Variants in GRB10 observed in about 807,000 individuals in gnomAD.
GRB10 encodes the protein growth factor receptor bound protein 10.
A neutral mutation model predicts 80.9 loss-of-function variants in GRB10; 20 were observed. That is an observed-to-expected ratio of 0.25 (90% CI 0.17 to 0.36). The LOEUF (loss-of-function observed/expected upper bound fraction) is 0.36, where lower values mean the gene tolerates loss of function less well. GRB10 is among the 10% of genes least tolerant of loss of function. GRB10 has a pLI of 1.00. For missense variants in GRB10, 548 were observed against 747.7 expected, an observed-to-expected ratio of 0.73 and a Z score of 3.12; for synonymous variants, 291 against 291.5, an observed-to-expected ratio of 1.00 and a Z score of 0.02.
At chr7:50,734,367 A>G (rs964010908) in intron 3 of GRB10, among the ~76,000 whole-genome samples, 2 of 152,154 alleles carry the variant, frequency 1.3e-5, no homozygotes, top group Middle Eastern at 6.8e-3. Flanking sequence ...CCCTTCGCCC[A>G]CATCTCTGAG....
chr7:50,750,134 G>A (rs775469921), intron 3 of GRB10, among the ~76,000 whole-genome samples: 34 of 152,194 alleles, frequency 2.2e-4, no homozygotes, highest in Non-Finnish European at 4.3e-4. Flanking sequence ...GTCTACAGAA[G>A]CACAGAGGAG....
chr7:50,608,594 A>C (rs1442384794), intron 13 of GRB10, among the ~76,000 whole-genome samples: 1 of 152,216 alleles, frequency 6.6e-6, no homozygotes, highest in Non-Finnish European at 1.5e-5. Context: ...AATGGAGCAA[A>C]TGGAGTGAAA....
intron 7 of GRB10, among the ~76,000 whole-genome samples, chr7:50,644,829 T>C (rs1303210667): frequency 6.6e-6 from 1 of 152,108 alleles, no homozygotes; most frequent in African/African-American, 2.4e-5. Context: ...GGGCAGATGC[T>C]AGACAGACAG....
chr7:50,764,269 C>A (rs1484904226), intron 2 of GRB10, among the ~76,000 whole-genome samples: 1 of 152,244 alleles, frequency 6.6e-6, no homozygotes, highest in Non-Finnish European at 1.5e-5. Context: ...GGGTCTATAG[C>A]TCAGCCCTTG....
Position 50,611,246 on chromosome 7 carries a change from T to G in GRB10, c.1194+1495A>C, listed in dbSNP as rs1251328784. 2.0e-5 allele frequency among the ~76,000 whole-genome samples: 3 copies of G among 152,232 alleles called. No individual in the cohort carries two copies. In the East Asian group the frequency reaches 5.8e-4, roughly 29 times the overall value. ...CAAATGTAGCCTTCTCTCTATATAC[T>G]GTTCTGTACTTTGCTTTTTAATTGT... On this transcript the variant is annotated intron_variant, in intron 13 of 18. Coordinates refer to ENST00000401949, the MANE Select transcript of GRB10 (RefSeq NM_001350814.2).
chr7:50,710,463 G>A (rs2065720251), intron 4 of GRB10, among the ~76,000 whole-genome samples: 1 of 152,112 alleles, frequency 6.6e-6, no homozygotes, highest in Non-Finnish European at 1.5e-5. Flanking sequence ...GCCTCTGCTG[G>A]GTACCAACTA....
intron 7 of GRB10, among the ~76,000 whole-genome samples, chr7:50,661,778 A>C (rs2059304652): frequency 6.6e-6 from 1 of 152,102 alleles, no homozygotes; most frequent in Non-Finnish European, 1.5e-5. Flanking sequence ...TGCCCTTGCC[A>C]CCACTTCACA....
intron 7 of GRB10, among the ~76,000 whole-genome samples, chr7:50,649,319 A>G (rs1482820923): frequency 6.6e-6 from 1 of 152,240 alleles, no homozygotes; most frequent in African/African-American, 2.4e-5. Flanking sequence ...AAAGAAGCCC[A>G]GGAAGGCCCA....
Position 50,642,278 on chromosome 7 carries a change from TCACACACACACACACACACGCATG to T in GRB10, c.505-15324_505-15301del, listed in dbSNP as rs2056390980. On this transcript the variant is annotated intron_variant, in intron 7 of 18. Transcript: ENST00000401949. ...CAAAGAGGATGTGGGCTTGGAAACT[TCACACACACACACACACACGCATG>T]CACACACACACACATACAAACACAT... 2.0e-5 allele frequency among the ~76,000 whole-genome samples: 3 copies of T among 149,652 alleles called. No individual in the cohort carries two copies. In the South Asian group the frequency reaches 6.3e-4, roughly 32 times the overall value.
rs2045961142 is a variant in GRB10 at position 50,592,701 on chromosome 7, C to T, written c.*251G>A. ...GATGATCATTCCAGTTTATTTTCAA[C>T]TTTCCGCTGGATCTTCCATGCCCTC... On this transcript the variant is annotated 3_prime_UTR_variant, in exon 19 of 19. Transcript: ENST00000401949. 1 of 544,122 alleles carries T rather than the reference C, an allele frequency of 1.8e-6. No individual in the cohort carries two copies. Among genetic ancestry groups the T allele is most frequent in the East Asian group, 3.2e-5 (1 of 31,194 alleles). 33.7% of individuals were successfully genotyped at this position (544,122 alleles called of 1,614,324 possible).
intron 13 of GRB10, among the ~76,000 whole-genome samples, chr7:50,607,311 A>G (rs1280161537): frequency 6.6e-6 from 1 of 152,168 alleles, no homozygotes; most frequent in Non-Finnish European, 1.5e-5. Context: ...GCATGCATTC[A>G]GTTTTGATAA....
intron 3 of GRB10, among the ~76,000 whole-genome samples, chr7:50,754,520 TGCAGGG>T (rs765192563): frequency 3.9e-5 from 6 of 152,146 alleles, no homozygotes; most frequent in Non-Finnish European, 8.8e-5. Flanking sequence ...ACCCTCTCTC[TGCAGGG>T]GCACAGACTC....
At chr7:50,793,255 T>TGGCTGCGGGCGACACTCGGCGTGGCC (rs2079012734) in exon 1 of GRB10, 1 of 143,922 alleles carries the variant, frequency 6.9e-6, no homozygotes, top group African/African-American at 2.5e-5. Context: ...CGCCTCCGCG[T>TGGCTGCGGGCGACACTCGGCGTGGCC]GGCTGCGGGC....
chr7:50,702,241 T>C (rs1425237515), intron 5 of GRB10, among the ~76,000 whole-genome samples: 1 of 152,208 alleles, frequency 6.6e-6, no homozygotes. Flanking sequence ...ACGGCCCTTT[T>C]CCAGCATCTT....
At chr7:50,618,231 C>A in intron 9 of GRB10, 92 bp from the exon 10 acceptor site, 1 of 947,346 alleles carries the variant, frequency 1.1e-6, no homozygotes, top group East Asian at 2.5e-5. Context: ...AAAACTATTC[C>A]TACCAGTATA....
intron 7 of GRB10, among the ~76,000 whole-genome samples, chr7:50,665,337 T>C (rs2715093): frequency 0.49 from 74,700 of 152,156 alleles, 18,492 homozygotes; most frequent in Admixed American, 0.52. Flanking sequence ...AGCCAAAACA[T>C]TGCTGTTTTA....
At chr7:50,664,328 C>T (rs947343601) in intron 7 of GRB10, among the ~76,000 whole-genome samples, 2 of 152,220 alleles carry the variant, frequency 1.3e-5, no homozygotes, top group East Asian at 3.8e-4. Flanking sequence ...TTCTGAACTT[C>T]ACCCAGCACC....
intron 7 of GRB10, among the ~76,000 whole-genome samples, chr7:50,628,457 C>T (rs895891680): frequency 1.3e-5 from 2 of 152,162 alleles, no homozygotes; most frequent in African/African-American, 4.8e-5. Context: ...GGAACTGGGA[C>T]CACACCATTC....
chr7:50,710,180 T>C (rs764619995), intron 4 of GRB10, among the ~76,000 whole-genome samples: 2 of 151,970 alleles, frequency 1.3e-5, no homozygotes, highest in African/African-American at 2.4e-5. Flanking sequence ...CAAGGGTGAA[T>C]GGATTGGTGC....
Sources: allele counts gnomAD v4.1 joint callset (sites outside exome capture counted in the v4.1 genomes callset), GRCh38; gene constraint gnomAD v4.1.1; transcripts MANE v1.5; gene names NCBI Gene and HGNC (gene_info 2026-07-23, HGNC 2026-07-21).